The following CTTNBP2NL variants were observed in gnomAD, a reference collection of about 807,000 sequenced individuals.
CTTNBP2NL encodes the protein CTTNBP2 N-terminal like.
Under a neutral mutation model 32.5 loss-of-function variants are expected in CTTNBP2NL, and 16 were observed. The ratio of observed to expected loss-of-function variants is 0.49; its 90% CI spans 0.33 to 0.75. CTTNBP2NL has a LOEUF of 0.75. Among genes scored for constraint, CTTNBP2NL ranks in the 30% least tolerant of loss-of-function variants. The probability of loss-of-function intolerance (pLI) is 0.02; values close to 1 mark genes in which losing one functional copy is unlikely to be tolerated. For synonymous variants in CTTNBP2NL, 298 were observed against 289.4 expected (o/e 1.03, Z -0.30); for missense variants, 645 against 756.0 (o/e 0.85, Z 1.72).
chr1:112,458,600 G>A lies in CTTNBP2NL; in HGVS notation c.*1188G>A, dbSNP rs1349006434. The A allele has an allele frequency of 6.6e-6, 1 of 151,966 alleles. No individual in the cohort carries two copies. Among genetic ancestry groups the A allele is most frequent in the Non-Finnish European group, 1.5e-5 (1 of 68,004 alleles). 9.4% of individuals were successfully genotyped at this position (151,966 alleles called of 1,614,324 possible). ...CTACCGAAGCAACTAGATGTGGCTG[G>A]GACACAATCAAAGGAGGAATTTTGT... On this transcript the variant is annotated 3_prime_UTR_variant, in exon 6 of 6. Coordinates refer to ENST00000271277, the MANE Select transcript of CTTNBP2NL (RefSeq NM_018704.3).
intron 3 of CTTNBP2NL, among the ~76,000 whole-genome samples, chr1:112,436,530 T>A (rs1649734889): frequency 6.6e-6 from 1 of 152,174 alleles, no homozygotes. Context: ...CTTTTTTTTC[T>A]TAGAGACAGG....
At chr1:112,392,180 A>T (rs1473560135), upstream of CTTNBP2NL, among the ~76,000 whole-genome samples, 2 of 152,216 alleles carry the variant, frequency 1.3e-5, no homozygotes, top group Non-Finnish European at 2.9e-5. Flanking sequence ...TGCACTTTGG[A>T]ATCAGATCTA....
chr1:112,439,027 C>T (rs1049771351), intron 3 of CTTNBP2NL, among the ~76,000 whole-genome samples: 13 of 152,186 alleles, frequency 8.5e-5, no homozygotes, highest in East Asian at 1.9e-4. Flanking sequence ...CTTCTTTCTA[C>T]GTAAGGCTAC....
rs943126840 is a variant in CTTNBP2NL, at chr1:112,460,549, A to T, written c.*3137A>T. On this transcript the variant is annotated 3_prime_UTR_variant, in exon 6 of 6. Transcript: ENST00000271277. ...AGAAAAATGAATATGCCTATATGCA[A>T]AATTTGTTTGATGGCTTCATAGGAT... 3.3e-5 allele frequency: 5 copies of T among 152,224 alleles called. No individual in the cohort carries two copies. The highest frequency in any genetic ancestry group is 1.3e-4 in the Admixed American group (2 of 15,280). 9.4% of individuals were successfully genotyped at this position (152,224 alleles called of 1,614,324 possible).
At chr1:112,449,753 T>TGTGTGTGTGTGTGTGTGTGTGTGTG (rs58369949) in intron 4 of CTTNBP2NL, among the ~76,000 whole-genome samples, 164 of 25,420 alleles carry the variant, frequency 6.5e-3, no homozygotes, top group African/African-American at 7.2e-3. Flanking sequence ...TGTGTGTGTG[T>TGTGTGTGTGTGTGTGTGTGTGTGTG]TTTCCATATT....
In CTTNBP2NL at chr1:112,454,492, A is replaced by C; in HGVS notation, c.374A>C (p.Asp125Ala). The C allele has an allele frequency of 1.2e-6, 2 of 1,614,166 alleles. No individual in the cohort carries two copies. The highest frequency in any genetic ancestry group is 1.7e-6 in the Non-Finnish European group (2 of 1,179,992). The change falls in exon 5 of 6, where the codon GAT becomes GCT. Residue 125 changes from aspartate (D) to alanine (A), a missense_variant. Transcript: ENST00000271277. ...GAAGAAAGGCAGCGGCATGCACAGGATACGGCTGAAGGAGATGATGTCACC... is the reference window on the plus strand; with the variant it reads ...GAAGAAAGGCAGCGGCATGCACAGGCTACGGCTGAAGGAGATGATGTCACC... ...LEEERQRHAQ[D>A]TAEGDDVTYM...
intron 3 of CTTNBP2NL, among the ~76,000 whole-genome samples, chr1:112,444,307 T>C (rs1028372738): frequency 6.6e-6 from 1 of 152,246 alleles, no homozygotes. Context: ...ACACACACAC[T>C]GTACTGGGAA....
chr1:112,433,263 T>G (rs946719518), intron 3 of CTTNBP2NL, among the ~76,000 whole-genome samples: 6 of 152,176 alleles, frequency 3.9e-5, no homozygotes, highest in Non-Finnish European at 5.9e-5. Context: ...GGGGTGTGTG[T>G]GTGTGTGTAT....
At chr1:112,411,729 C>G (rs1223629850) in intron 1 of CTTNBP2NL, among the ~76,000 whole-genome samples, 1 of 150,502 alleles carries the variant, frequency 6.6e-6, no homozygotes, top group African/African-American at 2.4e-5. Context: ...GTCGCCCAGG[C>G]TGGAGTGCAG....
chr1:112,392,291 G>A (rs1013335821), upstream of CTTNBP2NL, among the ~76,000 whole-genome samples: 7 of 152,050 alleles, frequency 4.6e-5, no homozygotes, highest in Admixed American at 1.3e-4. Flanking sequence ...TATCTATCTC[G>A]TGGAATTCTT....
intron 3 of CTTNBP2NL, among the ~76,000 whole-genome samples, chr1:112,444,934 G>A (rs1387069063): frequency 6.6e-6 from 1 of 152,102 alleles, no homozygotes; most frequent in South Asian, 2.1e-4. Flanking sequence ...TACCAGAGTT[G>A]GTCTGTGTGA....
chr1:112,414,473 T>A (rs972558230), intron 2 of CTTNBP2NL, among the ~76,000 whole-genome samples: 21 of 152,200 alleles, frequency 1.4e-4, no homozygotes, highest in Non-Finnish European at 2.9e-5. Flanking sequence ...CAAAGTGAAG[T>A]ATGCATTTTA....
At chr1:112,405,173 A>C (rs1160912352) in intron 1 of CTTNBP2NL, among the ~76,000 whole-genome samples, 1 of 152,250 alleles carries the variant, frequency 6.6e-6, no homozygotes, top group Non-Finnish European at 1.5e-5. Flanking sequence ...AAAATTTATT[A>C]ATATAAAAGT....
At position 112,459,711 on chromosome 1, in the gene CTTNBP2NL, A is replaced by G. The variant is rs1485915769; in HGVS notation, c.*2299A>G. ...TGTTGATAAAATAGCTAAACTTTCTAAACTGGAGAGGAGGCTACAGTGCCA... is the reference window on the plus strand; with the variant it reads ...TGTTGATAAAATAGCTAAACTTTCTGAACTGGAGAGGAGGCTACAGTGCCA... On this transcript the variant is annotated 3_prime_UTR_variant, in exon 6 of 6. Transcript: ENST00000271277. The G allele has an allele frequency of 6.6e-6, 1 of 152,214 alleles. No homozygotes were observed. Among genetic ancestry groups the G allele is most frequent in the Non-Finnish European group, 1.5e-5 (1 of 68,046 alleles). 9.4% of individuals were successfully genotyped at this position (152,214 alleles called of 1,614,324 possible). A position where few individuals can be genotyped will look rare whatever the true frequency, so the allele number is the denominator to read the frequency against.
rs916069900 is a variant in CTTNBP2NL, at chr1:112,459,389, C to T, written c.*1977C>T. On this transcript the variant is annotated 3_prime_UTR_variant, in exon 6 of 6. Coordinates refer to ENST00000271277, the MANE Select transcript of CTTNBP2NL (RefSeq NM_018704.3). ...GGAGAGGCCTTGGTGTCTTCACATA[C>T]ATTCTCTGAGCCAACATCTATCCAG... 3 of 152,204 alleles carry T rather than the reference C, an allele frequency of 2.0e-5. No homozygotes were observed. In the South Asian group the frequency reaches 6.2e-4, roughly 31 times the overall value. The allele number at this position is 152,204 out of a possible 1,614,324, so 9.4% of individuals were successfully genotyped here.
chr1:112,424,629 T>C (rs1649335845), intron 3 of CTTNBP2NL, among the ~76,000 whole-genome samples: 1 of 152,186 alleles, frequency 6.6e-6, no homozygotes, highest in South Asian at 2.1e-4. Context: ...CTTAACAACA[T>C]TGTGTTTTTC....
At position 112,428,103 on chromosome 1, in the gene CTTNBP2NL, TCACACACATA is replaced by T. The variant is rs202052787; in HGVS notation, c.99+11850_99+11859del. On this transcript the variant is annotated intron_variant, in intron 3 of 5. Coordinates refer to ENST00000271277, the MANE Select transcript of CTTNBP2NL (RefSeq NM_018704.3). Reference sequence around the variant, plus strand: ...TATATATGTATCCACACACACACACTCACACACATACACACACATAAAAGACTCAAGCAAA... The same window carrying T: ...TATATATGTATCCACACACACACACTCACACACATAAAAGACTCAAGCAAA... Among the ~76,000 whole-genome samples the T allele has an allele frequency of 8.5e-3, 1,285 of 151,942 alleles. 21 individuals are homozygous for T. The highest frequency in any genetic ancestry group is 0.03 in the African/African-American group (1,229 of 41,468).
At chr1:112,421,310 C>CT (rs34750717) in intron 3 of CTTNBP2NL, among the ~76,000 whole-genome samples, 40,314 of 116,078 alleles carry the variant, frequency 0.35, 7,934 homozygotes, top group East Asian at 0.48. Flanking sequence ...CATTTCTTTT[C>CT]TTTTTTTTTT....
chr1:112,446,552 A>G (rs1424882712), intron 3 of CTTNBP2NL, among the ~76,000 whole-genome samples: 1 of 151,954 alleles, frequency 6.6e-6, no homozygotes, highest in Non-Finnish European at 1.5e-5. Context: ...AGTATGTTTT[A>G]TTTATTTATG....
Sources: allele counts gnomAD v4.1 joint callset (sites outside exome capture counted in the v4.1 genomes callset), GRCh38; gene constraint gnomAD v4.1.1; transcripts MANE v1.5; gene names NCBI Gene and HGNC (gene_info 2026-07-23, HGNC 2026-07-21).